Variants in DGLUCY observed in about 807,000 individuals in gnomAD.
DGLUCY encodes the protein D-glutamate cyclase.
A neutral mutation model predicts 58.5 loss-of-function variants in DGLUCY; 58 were observed. The ratio of observed to expected loss-of-function variants is 0.99; its 90% CI spans 0.80 to 1.23. DGLUCY has a LOEUF of 1.23. DGLUCY is among the 50% of genes most tolerant of loss of function. The pLI is 0.00. For synonymous variants in DGLUCY, 325 were observed against 314.1 expected (o/e 1.03, Z -0.37); for missense variants, 779 against 784.7 (o/e 0.99, Z 0.09).
chr14:91,104,585 G>A (rs1033659841), upstream of DGLUCY, among the ~76,000 whole-genome samples: 6 of 152,136 alleles, frequency 3.9e-5, no homozygotes, highest in South Asian at 2.1e-4. Context: ...TTTGAGAAAC[G>A]ACTTTCCACA....
intron 1 of DGLUCY, among the ~76,000 whole-genome samples, chr14:91,152,932 T>G (rs2047405108): frequency 1.3e-5 from 2 of 152,210 alleles, no homozygotes; most frequent in Non-Finnish European, 2.9e-5. Flanking sequence ...TATAAGGTGT[T>G]TCCTGTCGTT....
chr14:91,199,276 TC>T (rs2050405556), intron 10 of DGLUCY, among the ~76,000 whole-genome samples: 1 of 151,738 alleles, frequency 6.6e-6, no homozygotes, highest in African/African-American at 2.4e-5. Context: ...TTTTTTTTTT[TC>T]AAGACAGAGT....
chr14:91,077,386 G>T (rs2044039885), intron 1 of DGLUCY, among the ~76,000 whole-genome samples: 1 of 147,610 alleles, frequency 6.8e-6, no homozygotes, highest in South Asian at 2.2e-4. Flanking sequence ...AGGAAAGGAA[G>T]GAAGGAAGGA....
chr14:91,111,290 A>AT (rs1157386645), upstream of DGLUCY, among the ~76,000 whole-genome samples: 455 of 62,394 alleles, frequency 7.3e-3, 8 homozygotes, highest in African/African-American at 0.011. Flanking sequence ...ATATATATAT[A>AT]TTTTTTTTTG....
chr14:91,215,182 T>A (rs1179896750), intron 12 of DGLUCY, among the ~76,000 whole-genome samples: 1 of 152,116 alleles, frequency 6.6e-6, no homozygotes, highest in Non-Finnish European at 1.5e-5. Flanking sequence ...TAAATACAAA[T>A]AAAGAAAATT....
At chr14:91,094,692 G>A (rs1227601893) in intron 1 of DGLUCY, among the ~76,000 whole-genome samples, 1 of 148,822 alleles carries the variant, frequency 6.7e-6, no homozygotes, top group Non-Finnish European at 1.5e-5. Flanking sequence ...GTGTGGTGAT[G>A]GGCACCTGTA....
intron 1 of DGLUCY, among the ~76,000 whole-genome samples, chr14:91,072,410 CT>C (rs1241437123): frequency 6.6e-5 from 10 of 150,752 alleles, no homozygotes; most frequent in African/African-American, 2.4e-4. Flanking sequence ...TTCGTTTTTT[CT>C]TATCTTTAAG....
intron 1 of DGLUCY, among the ~76,000 whole-genome samples, chr14:91,151,401 G>A (rs1424595423): frequency 6.6e-6 from 1 of 151,682 alleles, no homozygotes; most frequent in Non-Finnish European, 1.5e-5. Context: ...CACCACACCC[G>A]GCTAATTTTT....
At chr14:91,062,598 TATATATATATATAAAC>T (rs2043746205) in intron 1 of DGLUCY, among the ~76,000 whole-genome samples, 2 of 29,256 alleles carry the variant, frequency 6.8e-5, no homozygotes, top group African/African-American at 1.5e-4. Flanking sequence ...TATATATATA[TATATATATATATAAAC>T]AATCCTTAGC....
chr14:91,208,535 G>T (rs1307681563), intron 12 of DGLUCY, among the ~76,000 whole-genome samples: 1 of 152,148 alleles, frequency 6.6e-6, no homozygotes, highest in Non-Finnish European at 1.5e-5. Flanking sequence ...GATCACTTGA[G>T]CCTAGGAATT....
At chr14:91,132,727 C>T (rs55775150) in intron 1 of DGLUCY, among the ~76,000 whole-genome samples, 28,736 of 151,702 alleles carry the variant, frequency 0.19, 3,654 homozygotes, top group African/African-American at 0.36. Context: ...ATCTGCCAGC[C>T]TCGGCCTCCC....
intron 1 of DGLUCY, among the ~76,000 whole-genome samples, chr14:91,152,984 G>A (rs2047407096): frequency 6.6e-6 from 1 of 152,138 alleles, no homozygotes; most frequent in Non-Finnish European, 1.5e-5. Context: ...GGATAAACTG[G>A]AAGAAGGAGC....
At chr14:91,221,597 T>C (rs1172363277) in intron 13 of DGLUCY, among the ~76,000 whole-genome samples, 1 of 151,890 alleles carries the variant, frequency 6.6e-6, no homozygotes, top group African/African-American at 2.4e-5. Context: ...GATGGATGCA[T>C]GCATGGATGG....
intron 13 of DGLUCY, chr14:91,215,826 C>T: frequency 8.6e-7 from 1 of 1,159,166 alleles, no homozygotes; most frequent in Non-Finnish European, 1.1e-6. Flanking sequence ...GCCTCATTTT[C>T]TTCATCTGTA....
chr14:91,095,433 T>C (rs2044378247), intron 1 of DGLUCY, among the ~76,000 whole-genome samples: 1 of 152,174 alleles, frequency 6.6e-6, no homozygotes, highest in African/African-American at 2.4e-5. Flanking sequence ...TAAGGGTGCT[T>C]GTCACCGCAT....
At chr14:91,165,751 C>G (rs1006143408) in intron 3 of DGLUCY, among the ~76,000 whole-genome samples, 4 of 152,232 alleles carry the variant, frequency 2.6e-5, no homozygotes, top group Admixed American at 2.0e-4. Flanking sequence ...TGGAGATGCT[C>G]ACATACCACT....
chr14:91,071,126 A>G (rs1472122866), intron 1 of DGLUCY, among the ~76,000 whole-genome samples: 1 of 151,710 alleles, frequency 6.6e-6, no homozygotes. Context: ...AGGTCAGGAG[A>G]TAGAGACCAT....
chr14:91,123,197 A>G (rs1203966904), intron 1 of DGLUCY, among the ~76,000 whole-genome samples: 3 of 152,224 alleles, frequency 2.0e-5, no homozygotes, highest in Admixed American at 6.6e-5. Context: ...ATCCATTTTT[A>G]TAGGTCTAAC....
chr14:91,118,988 A>C (rs763625855), intron 1 of DGLUCY, among the ~76,000 whole-genome samples: 2 of 152,262 alleles, frequency 1.3e-5, no homozygotes, highest in South Asian at 2.1e-4. Flanking sequence ...TTTTTAAATT[A>C]TACTACTACT....
Sources: allele counts gnomAD v4.1 joint callset (sites outside exome capture counted in the v4.1 genomes callset), GRCh38; gene constraint gnomAD v4.1.1; transcripts MANE v1.5; gene names NCBI Gene and HGNC (gene_info 2026-07-23, HGNC 2026-07-21).